Variants in TRABD2B observed in about 807,000 individuals in gnomAD.
TRABD2B encodes TraB domain containing 2B.
Under a neutral mutation model 40.1 loss-of-function variants are expected in TRABD2B, and 14 were observed. The observed-to-expected ratio is 0.35, with a 90% CI of 0.23 to 0.55. The LOEUF is 0.55. TRABD2B is among the 20% of genes least tolerant of loss of function. The probability of loss-of-function intolerance (pLI) is 0.90; values close to 1 mark genes in which losing one functional copy is unlikely to be tolerated. For synonymous variants in TRABD2B, 263 were observed against 277.0 expected, an observed-to-expected ratio of 0.95 and a Z score of 0.50; for missense variants, 541 against 648.6, an observed-to-expected ratio of 0.83 and a Z score of 1.80.
chr1:47,943,308 A>C (rs1645212283), intron 2 of TRABD2B, among the ~76,000 whole-genome samples: 1 of 152,238 alleles, frequency 6.6e-6, no homozygotes, highest in Non-Finnish European at 1.5e-5. Context: ...AAACTGTAAA[A>C]TGTAATTAAT....
chr1:47,818,371 C>T (rs1029837605), intron 2 of TRABD2B, among the ~76,000 whole-genome samples: 1 of 152,260 alleles, frequency 6.6e-6, no homozygotes, highest in African/African-American at 2.4e-5. Flanking sequence ...TCCTTCTTCT[C>T]CTTCTTGGGA....
intron 2 of TRABD2B, among the ~76,000 whole-genome samples, chr1:47,850,650 C>T (rs1011297461): frequency 7.2e-5 from 11 of 152,160 alleles, no homozygotes; most frequent in African/African-American, 2.7e-4. Context: ...GGGATTTGGC[C>T]TGGACCAAGG....
chr1:47,911,048 G>A (rs1211511622), intron 2 of TRABD2B, among the ~76,000 whole-genome samples: 1 of 152,218 alleles, frequency 6.6e-6, no homozygotes, highest in Non-Finnish European at 1.5e-5. Context: ...GCAGTGAAAG[G>A]AGCCTGAACC....
rs891351730 is a variant in TRABD2B, at chr1:47,775,061, T to C, written c.1349+109A>G. ...TAGAAAGCCACCTGCCACACTTCCTTAGAGCAGGGCTGGCCTGACGACAGT... is the reference window on the plus strand; with the variant it reads ...TAGAAAGCCACCTGCCACACTTCCTCAGAGCAGGGCTGGCCTGACGACAGT... On this transcript the variant is annotated intron_variant, in intron 6 of 6. Transcript: ENST00000606738. 9 of 1,108,216 alleles carry C rather than the reference T, an allele frequency of 8.1e-6. No individual in the cohort carries two copies. In the African/African-American group the frequency reaches 1.5e-4, roughly 18 times the overall value. 68.6% of individuals were successfully genotyped at this position (1,108,216 alleles called of 1,614,324 possible).
chr1:47,901,447 G>C (rs1644598600), intron 2 of TRABD2B, among the ~76,000 whole-genome samples: 1 of 152,180 alleles, frequency 6.6e-6, no homozygotes, highest in African/African-American at 2.4e-5. Context: ...CTCAGCGGCA[G>C]GGGGCATGGA....
chr1:47,942,081 T>C (rs1645196372), intron 2 of TRABD2B, among the ~76,000 whole-genome samples: 1 of 152,206 alleles, frequency 6.6e-6, no homozygotes, highest in Non-Finnish European at 1.5e-5. Context: ...AGGAGGGTGA[T>C]GCAATCAGAT....
At chr1:47,950,933 C>G (rs1645333771) in intron 2 of TRABD2B, among the ~76,000 whole-genome samples, 1 of 152,210 alleles carries the variant, frequency 6.6e-6, no homozygotes, top group African/African-American at 2.4e-5. Context: ...GACCTGAACC[C>G]TTGGGCCTGC....
chr1:47,813,480 A>G lies in TRABD2B; in HGVS notation c.667-11861T>C, dbSNP rs1332189790. Among the ~76,000 whole-genome samples the G allele has an allele frequency of 6.6e-6, 1 of 152,218 alleles. No individual in the cohort carries two copies. The highest frequency in any genetic ancestry group is 1.5e-5 in the Non-Finnish European group (1 of 68,042). ...CCTTCAGAGACAAACAGCAGCTGAA[A>G]GGGCAGAGATCTGACCCAGTTTTAA... On this transcript the variant is annotated intron_variant, in intron 2 of 6. Transcript: ENST00000606738. This position sits in a 1 kb window ranked among gnomAD's most constrained non-coding sequence, Gnocchi z 4.3.
At chr1:47,934,372 G>A (rs1261201699) in intron 2 of TRABD2B, among the ~76,000 whole-genome samples, 1 of 152,246 alleles carries the variant, frequency 6.6e-6, no homozygotes, top group Non-Finnish European at 1.5e-5. Context: ...ACACAGGTCA[G>A]GCCCACAGCC....
chr1:47,901,165 C>T (rs1177576670), intron 2 of TRABD2B, among the ~76,000 whole-genome samples: 1 of 152,136 alleles, frequency 6.6e-6, no homozygotes, highest in Non-Finnish European at 1.5e-5. Context: ...CAGCCCCTGC[C>T]GCCCTGCAAA....
intron 2 of TRABD2B, among the ~76,000 whole-genome samples, chr1:47,916,605 G>A (rs1264100372): frequency 6.6e-6 from 1 of 152,248 alleles, no homozygotes; most frequent in African/African-American, 2.4e-5. Flanking sequence ...CACAGAGGGT[G>A]ACGAAATGGA....
intron 2 of TRABD2B, among the ~76,000 whole-genome samples, chr1:47,964,612 T>G (rs1358319836): frequency 6.6e-6 from 1 of 152,190 alleles, no homozygotes; most frequent in Non-Finnish European, 1.5e-5. Context: ...TGATATATTT[T>G]GGGGGGTAGA....
In TRABD2B at chr1:47,794,524, G is replaced by A. The variant is rs1352876320; in HGVS notation, c.988+62C>T. 32 of 1,462,560 alleles carry A rather than the reference G, an allele frequency of 2.2e-5. No individual in the cohort carries two copies. The East Asian group carries it at 7.9e-4, about 36-fold the overall frequency. The allele number at this position is 1,462,560 out of a possible 1,614,324, so 90.6% of individuals were successfully genotyped here. ...TCTCCCTCGATGAAGTAGAGGTTAGGGGAGAGCCAAGCAAATCTCCCAGGA... is the reference window on the plus strand; with the variant it reads ...TCTCCCTCGATGAAGTAGAGGTTAGAGGAGAGCCAAGCAAATCTCCCAGGA... On this transcript the variant is annotated intron_variant, in intron 4 of 6. Coordinates refer to ENST00000606738, the MANE Select transcript of TRABD2B (RefSeq NM_001194986.2).
intron 2 of TRABD2B, among the ~76,000 whole-genome samples, chr1:47,973,994 T>C (rs1016914073): frequency 6.6e-5 from 10 of 152,088 alleles, no homozygotes; most frequent in African/African-American, 1.2e-4. Flanking sequence ...GTCTCAACTA[T>C]TGGGGAGGCT....
chr1:47,878,272 C>T (rs1644252131), intron 2 of TRABD2B, among the ~76,000 whole-genome samples: 1 of 152,080 alleles, frequency 6.6e-6, no homozygotes, highest in South Asian at 2.1e-4. Flanking sequence ...GCCGAGGTCA[C>T]ACCACTGCAC....
At chr1:47,887,354 C>T (rs57970547) in intron 2 of TRABD2B, among the ~76,000 whole-genome samples, 67,920 of 151,646 alleles carry the variant, frequency 0.45, 15,591 homozygotes, top group Admixed American at 0.52. Context: ...ATCTTAACTT[C>T]GACATGCTAC....
intron 2 of TRABD2B, among the ~76,000 whole-genome samples, chr1:47,874,413 C>T (rs1644191984): frequency 6.7e-6 from 1 of 150,096 alleles, no homozygotes; most frequent in African/African-American, 2.4e-5. Flanking sequence ...GCTGGGACTA[C>T]AGGCGCCCGC....
intron 2 of TRABD2B, among the ~76,000 whole-genome samples, chr1:47,887,110 T>C (rs1384526803): frequency 6.6e-6 from 1 of 152,214 alleles, no homozygotes; most frequent in Non-Finnish European, 1.5e-5. Flanking sequence ...TGGCTTTACC[T>C]TGAGGTAAAT....
chr1:47,838,409 G>A (rs907373458), intron 2 of TRABD2B, among the ~76,000 whole-genome samples: 2 of 152,176 alleles, frequency 1.3e-5, no homozygotes, highest in African/African-American at 4.8e-5. Flanking sequence ...GGGTCAGCAG[G>A]GTCTGCAGCC....
Sources: allele counts gnomAD v4.1 joint callset (sites outside exome capture counted in the v4.1 genomes callset), GRCh38; gene constraint gnomAD v4.1.1; non-coding constraint Gnocchi (gnomAD v3.1); transcripts MANE v1.5; gene names NCBI Gene and HGNC (gene_info 2026-07-23, HGNC 2026-07-21).